Variants in HDAC9 observed in about 807,000 individuals in gnomAD.
The protein encoded by HDAC9 is histone deacetylase 9.
In HDAC9, 41 loss-of-function variants were observed where a neutral mutation model predicts 139.4. The observed-to-expected ratio is 0.29, with a 90% CI of 0.23 to 0.38. The LOEUF (loss-of-function observed/expected upper bound fraction) is 0.38. Ranked by LOEUF, HDAC9 falls within the 10% of genes least tolerant of loss-of-function variation. The pLI is 1.00. For missense variants in HDAC9, 1,147 were observed against 1,297.0 expected (o/e 0.88, Z 1.78); for synonymous variants, 517 against 476.2 (o/e 1.09, Z -1.12).
intron 2 of HDAC9, among the ~76,000 whole-genome samples, chr7:18,561,184 C>A (rs10274167): frequency 0.016 from 2,464 of 152,260 alleles, 59 homozygotes; most frequent in African/African-American, 0.057. Flanking sequence ...TAAGTGGATG[C>A]TTTCGCATGT....
chr7:18,138,586 G>A (rs1004650028), intron 1 of HDAC9, among the ~76,000 whole-genome samples: 1 of 149,036 alleles, frequency 6.7e-6, no homozygotes, highest in African/African-American at 2.5e-5. Flanking sequence ...TTAGTTATTT[G>A]GGTTTTGGCT....
chr7:18,210,733 G>T (rs1166869147), intron 2 of HDAC9, among the ~76,000 whole-genome samples: 3 of 152,130 alleles, frequency 2.0e-5, no homozygotes, highest in African/African-American at 7.2e-5. Flanking sequence ...TCTAGATTTG[G>T]ACATGAAGTA....
At chr7:18,274,125 ATATT>A (rs757289139) in intron 2 of HDAC9, among the ~76,000 whole-genome samples, 4 of 152,220 alleles carry the variant, frequency 2.6e-5, no homozygotes, top group Non-Finnish European at 4.4e-5. Context: ...ATGTACAGGA[ATATT>A]TATTCGGGAT....
chr7:18,855,880 C>T (rs1370957501), intron 21 of HDAC9, among the ~76,000 whole-genome samples: 1 of 152,110 alleles, frequency 6.6e-6, no homozygotes, highest in Non-Finnish European at 1.5e-5. Flanking sequence ...TACTTCTGTG[C>T]ACCGTCATCT....
intron 22 of HDAC9, among the ~76,000 whole-genome samples, chr7:18,925,512 G>A (rs1396959089): frequency 2.0e-5 from 3 of 151,904 alleles, no homozygotes; most frequent in African/African-American, 4.8e-5. Flanking sequence ...TTCTTAGTAG[G>A]TATCTCTTAA....
At position 18,622,455 on chromosome 7, in the gene HDAC9, T is replaced by C. The variant is rs558051494; in HGVS notation, c.665-6895T>C. On this transcript the variant is annotated intron_variant, in intron 6 of 25. Transcript: ENST00000686413. Reference sequence around the variant, plus strand: ...TCTGCTGCCTCAGCTCCCAAGTAGCTGGGATTACAGGGACGTGCCACCACA... The same window carrying C: ...TCTGCTGCCTCAGCTCCCAAGTAGCCGGGATTACAGGGACGTGCCACCACA... Among the ~76,000 whole-genome samples, 4 of 152,176 alleles carry C rather than the reference T, an allele frequency of 2.6e-5. No individual in the cohort carries two copies. The East Asian group carries it at 7.8e-4, about 29-fold the overall frequency.
chr7:18,236,906 A>G lies in HDAC9; in HGVS notation c.25+74557A>G, dbSNP rs75713323. 3.5e-3 allele frequency among the ~76,000 whole-genome samples: 537 copies of G among 152,290 alleles called. 8 individuals are homozygous for G. The highest frequency in any genetic ancestry group is 0.029 in the Admixed American group (442 of 15,300). Reference sequence around the variant, plus strand: ...TTAGTGCTTCTCCTGCAGCTTGGCAACGTGCATCATGGTCTCAACTAGTGC... The same window carrying G: ...TTAGTGCTTCTCCTGCAGCTTGGCAGCGTGCATCATGGTCTCAACTAGTGC... On this transcript the variant is annotated intron_variant, in intron 2 of 12. Coordinates refer to the HDAC9 transcript ENST00000417496.
At chr7:18,123,364 A>G (rs1784471045) in intron 1 of HDAC9, among the ~76,000 whole-genome samples, 1 of 152,226 alleles carries the variant, frequency 6.6e-6, no homozygotes, top group Non-Finnish European at 1.5e-5. Flanking sequence ...GATTTAAAAC[A>G]GGTGGCATTC....
At chr7:18,410,985 A>G (rs571087593) in intron 1 of HDAC9, among the ~76,000 whole-genome samples, 16 of 152,220 alleles carry the variant, frequency 1.1e-4, no homozygotes, top group Non-Finnish European at 2.1e-4. Context: ...TTTGGGAATC[A>G]AAGCCTAGTT....
intron 1 of HDAC9, among the ~76,000 whole-genome samples, chr7:18,435,127 C>T (rs1328327120): frequency 6.7e-6 from 1 of 149,078 alleles, no homozygotes; most frequent in African/African-American, 2.5e-5. Flanking sequence ...AGCTAGAGGC[C>T]ATTATCCTAA....
At chr7:18,130,858 G>GTGC (rs1584227260) in intron 1 of HDAC9, among the ~76,000 whole-genome samples, 1 of 151,680 alleles carries the variant, frequency 6.6e-6, no homozygotes, top group African/African-American at 2.4e-5. Flanking sequence ...TGCCTTCAGT[G>GTGC]TGCTACCTTG....
chr7:18,341,210 T>C (rs1781980474), intron 1 of HDAC9, among the ~76,000 whole-genome samples: 1 of 147,370 alleles, frequency 6.8e-6, no homozygotes, highest in Non-Finnish European at 1.5e-5. Flanking sequence ...GTTTTATTCA[T>C]GTTTTGTGTG....
intron 13 of HDAC9, among the ~76,000 whole-genome samples, chr7:18,743,675 C>T (rs751529963): frequency 5.3e-5 from 8 of 149,652 alleles, no homozygotes; most frequent in Non-Finnish European, 1.2e-4. Flanking sequence ...GAGTGAGAAC[C>T]TGTCTCTAAA....
intron 12 of HDAC9, among the ~76,000 whole-genome samples, chr7:18,696,398 T>A: frequency 6.7e-6 from 1 of 148,618 alleles, no homozygotes; most frequent in Non-Finnish European, 1.5e-5. Flanking sequence ...TTATACTATA[T>A]AATGTATAAA....
intron 21 of HDAC9, among the ~76,000 whole-genome samples, chr7:18,857,619 G>A (rs1797788748): frequency 6.6e-6 from 1 of 152,036 alleles, no homozygotes. Flanking sequence ...CTTTGAACTG[G>A]AAGAAATTTG....
chr7:18,122,926 C>T (rs2731560), intron 1 of HDAC9, among the ~76,000 whole-genome samples: 4 of 152,188 alleles, frequency 2.6e-5, no homozygotes, highest in African/African-American at 9.6e-5. Flanking sequence ...TCTATCATTA[C>T]ATACAAAGAT....
chr7:18,665,859 G>A (rs570085703), intron 11 of HDAC9, among the ~76,000 whole-genome samples: 2 of 152,004 alleles, frequency 1.3e-5, no homozygotes, highest in African/African-American at 4.8e-5. Context: ...ATTATTCCCA[G>A]GTTCAACTTT....
intron 1 of HDAC9, among the ~76,000 whole-genome samples, chr7:18,457,453 A>G (rs1793442610): frequency 6.6e-6 from 1 of 152,236 alleles, no homozygotes; most frequent in African/African-American, 2.4e-5. Flanking sequence ...ATTTGCCTTC[A>G]AAATTTTAAT....
At chr7:18,876,340 C>A (rs1168447488) in intron 22 of HDAC9, among the ~76,000 whole-genome samples, 1 of 152,056 alleles carries the variant, frequency 6.6e-6, no homozygotes, top group African/African-American at 2.4e-5. Flanking sequence ...GTTCCCAGTC[C>A]CTCCATACCC....
Sources: allele counts gnomAD v4.1 joint callset (sites outside exome capture counted in the v4.1 genomes callset), GRCh38; gene constraint gnomAD v4.1.1; transcripts MANE v1.5; gene names NCBI Gene and HGNC (gene_info 2026-07-23, HGNC 2026-07-21).